Variants in AKR1A1 observed in about 807,000 individuals in gnomAD.
The protein encoded by AKR1A1 is HEL-S-165mP.
AKR1A1 carries 26 observed loss-of-function variants against 39.2 expected under a neutral mutation model. The observed-to-expected ratio is 0.66, with a 90% CI of 0.49 to 0.92. AKR1A1 has a LOEUF of 0.92. AKR1A1 is among the 40% of genes least tolerant of loss of function. The probability of loss-of-function intolerance (pLI) is 0.00; values close to 1 mark genes in which losing one functional copy is unlikely to be tolerated. For synonymous variants in AKR1A1, 141 were observed against 155.5 expected (o/e 0.91, Z 0.69); for missense variants, 378 against 406.5 (o/e 0.93, Z 0.60).
chr1:45,563,416 A>G (rs1399090946), intron 2 of AKR1A1, among the ~76,000 whole-genome samples: 1 of 151,926 alleles, frequency 6.6e-6, no homozygotes, highest in Non-Finnish European at 1.5e-5. Context: ...AAAATTAAGG[A>G]AAAAAAGTTA....
intron 1 of AKR1A1, among the ~76,000 whole-genome samples, chr1:45,555,212 G>A (rs1210494140): frequency 1.3e-5 from 2 of 152,192 alleles, no homozygotes; most frequent in Admixed American, 1.3e-4. Flanking sequence ...TATAGGCCGG[G>A]CGTGGTAGCT....
intron 6 of AKR1A1, 31 bp from the exon 7 acceptor site, chr1:45,568,895 CT>C: frequency 6.2e-7 from 1 of 1,610,680 alleles, no homozygotes; most frequent in Non-Finnish European, 8.5e-7. Flanking sequence ...ATACTGACCC[CT>C]TTTCCTCATC....
chr1:45,561,691 A>G, intron 1 of AKR1A1, 98 bp from the exon 2 acceptor site: 2 of 1,229,680 alleles, frequency 1.6e-6, no homozygotes, highest in Non-Finnish European at 2.4e-6. Flanking sequence ...GGTGTGAGCC[A>G]CTGCACTTGG....
intron 1 of AKR1A1, among the ~76,000 whole-genome samples, chr1:45,556,736 G>C (rs1644210119): frequency 6.6e-6 from 1 of 151,932 alleles, no homozygotes; most frequent in African/African-American, 2.4e-5. Context: ...AATTAGCCGA[G>C]CGTGGTGGCG....
rs377616185 is a variant in AKR1A1 at position 45,569,258 on chromosome 1, G to C, written c.912+29G>C. On this transcript the variant is annotated intron_variant, in intron 8 of 8. Coordinates refer to ENST00000351829, the MANE Select transcript of AKR1A1 (RefSeq NM_153326.3). ...AGGATGTATCAGCCTCCTAGACTTG[G>C]GGAATGTGAGATTTGGGGTGGGATT... The C allele has an allele frequency of 6.5e-4, 1,027 of 1,587,206 alleles. 8 individuals carry two copies. Among genetic ancestry groups the C allele is most frequent in the Non-Finnish European group, 1.6e-4 (189 of 1,155,532 alleles).
chr1:45,567,050 A>C, intron 4 of AKR1A1, 30 bp downstream of exon 4: 2 of 1,609,334 alleles, frequency 1.2e-6, no homozygotes, highest in Non-Finnish European at 1.7e-6. Flanking sequence ...CATCTGGGGA[A>C]TCAGGGGGTT....
intron 1 of AKR1A1, among the ~76,000 whole-genome samples, chr1:45,560,657 G>A (rs1396867830): frequency 6.6e-6 from 1 of 151,468 alleles, no homozygotes; most frequent in Non-Finnish European, 1.5e-5. Context: ...CCTTGCAGGA[G>A]CCCACTCGGG....
chr1:45,567,737 G>A, intron 4 of AKR1A1: 1 of 312,514 alleles, frequency 3.2e-6, no homozygotes, highest in Non-Finnish European at 5.9e-6. Flanking sequence ...TGAGGCAGGA[G>A]AATGGCGTGA....
Position 45,562,344 on chromosome 1 carries a change from T to TC in AKR1A1, c.84+466_84+467insC, listed in dbSNP as rs1430984650. On this transcript the variant is annotated intron_variant, in intron 2 of 8. Coordinates refer to ENST00000351829, the MANE Select transcript of AKR1A1 (RefSeq NM_153326.3). The stretch of plus-strand genomic sequence containing the variant: ...AAGGTCAGCAAATTTTTTTTTTTTT[T>TC]TTTTTTTTTTTACTCGAGACAGGGT... Among the ~76,000 whole-genome samples the TC allele has an allele frequency of 3.3e-5, 5 of 150,350 alleles. No homozygotes were observed. In the East Asian group the frequency reaches 7.8e-4, roughly 23 times the overall value.
intron 4 of AKR1A1, chr1:45,567,705 T>G: frequency 3.9e-6 from 1 of 255,858 alleles, no homozygotes; most frequent in Non-Finnish European, 7.5e-6. Context: ...TGAGCGCCTG[T>G]AGTCCCAGCT....
At chr1:45,557,217 A>G (rs1431515521) in intron 1 of AKR1A1, among the ~76,000 whole-genome samples, 1 of 151,906 alleles carries the variant, frequency 6.6e-6, no homozygotes, top group Non-Finnish European at 1.5e-5. Context: ...AAAAGATAAC[A>G]TGAGGGTTTC....
chr1:45,566,536 A>G, intron 2 of AKR1A1, 33 bp from the exon 3 acceptor site: 1 of 1,612,860 alleles, frequency 6.2e-7, no homozygotes, highest in Non-Finnish European at 8.5e-7. Flanking sequence ...TGAAACCAAC[A>G]TAGCTGAAAC....
At chr1:45,567,668 A>G (rs1192542420) in intron 4 of AKR1A1, 2 of 188,410 alleles carry the variant, frequency 1.1e-5, no homozygotes, top group Non-Finnish European at 2.2e-5. Flanking sequence ...TCTACTAAAA[A>G]TACAAAAAAT....
At chr1:45,565,802 T>C (rs922924909) in intron 2 of AKR1A1, among the ~76,000 whole-genome samples, 1 of 143,646 alleles carries the variant, frequency 7.0e-6, no homozygotes, top group South Asian at 2.2e-4. Flanking sequence ...TTTAAAGAGG[T>C]GGGGGTCTCA....
At chr1:45,562,330 ATTTT>A (rs957556536) in intron 2 of AKR1A1, among the ~76,000 whole-genome samples, 2 of 132,242 alleles carry the variant, frequency 1.5e-5, no homozygotes. Flanking sequence ...AGGTCAGCAA[ATTTT>A]TTTTTTTTTT....
chr1:45,557,936 G>A (rs1156698141), intron 1 of AKR1A1, among the ~76,000 whole-genome samples: 1 of 37,146 alleles, frequency 2.7e-5, no homozygotes, highest in Non-Finnish European at 5.1e-5. Context: ...TTGAGATGGA[G>A]CCTCACTCTG....
chr1:45,565,624 C>T (rs1644332198), intron 2 of AKR1A1, among the ~76,000 whole-genome samples: 1 of 150,286 alleles, frequency 6.7e-6, no homozygotes, highest in African/African-American at 2.4e-5. Context: ...CAGGCATATG[C>T]CACCATGCAC....
chr1:45,553,325 G>A (rs1644158041), intron 1 of AKR1A1, among the ~76,000 whole-genome samples: 1 of 152,022 alleles, frequency 6.6e-6, no homozygotes, highest in African/African-American at 2.4e-5. Context: ...GGGAGGCTGA[G>A]GCAGGAGAAT....
chr1:45,564,979 C>T (rs1390684236), intron 2 of AKR1A1, among the ~76,000 whole-genome samples: 4 of 151,328 alleles, frequency 2.6e-5, no homozygotes, highest in African/African-American at 7.3e-5. Flanking sequence ...CCCCCTACCA[C>T]GCCCAGCTAA....
Sources: gnomAD v4.1 joint callset for allele counts (sites outside exome capture counted in the v4.1 genomes callset) on GRCh38, gnomAD v4.1.1 for gene constraint, MANE v1.5 for transcripts, NCBI Gene and HGNC (gene_info 2026-07-23, HGNC 2026-07-21) for gene names.